Variants in RANBP2 observed in about 807,000 individuals in gnomAD.
RANBP2 encodes E3 SUMO-protein ligase RanBP2.
RANBP2 carries 57 observed loss-of-function variants against 303.6 expected under a neutral mutation model. The ratio of observed to expected loss-of-function variants is 0.19; its 90% CI spans 0.15 to 0.23. The LOEUF is 0.23. Ranked by LOEUF, RANBP2 falls within the 10% of genes least tolerant of loss-of-function variation. RANBP2 has a pLI of 1.00. For synonymous variants in RANBP2, 1,167 were observed against 1,301.5 expected (o/e 0.90, Z 2.23); for missense variants, 3,138 against 3,780.8 (o/e 0.83, Z 4.46).
chr2:108,945,740 C>CT, the RANBP2 span, among the ~76,000 whole-genome samples: 11 of 152,190 alleles, frequency 7.2e-5, no homozygotes, highest in African/African-American at 2.4e-4. Flanking sequence ...AAAGGAAAGA[C>CT]TTTCTGACAC....
At chr2:109,083,613 A>C in the RANBP2 span, among the ~76,000 whole-genome samples, 1 of 151,966 alleles carries the variant, frequency 6.6e-6, no homozygotes, top group Non-Finnish European at 1.5e-5. Context: ...TGCTGTGAAC[A>C]TGGGTGTGCA....
At chr2:109,372,605 G>A in the RANBP2 span, among the ~76,000 whole-genome samples, 1 of 152,234 alleles carries the variant, frequency 6.6e-6, no homozygotes, top group Non-Finnish European at 1.5e-5. Context: ...GGTGCAGAAA[G>A]GTAACGTAGC....
the RANBP2 span, chr2:109,501,466 G>T: frequency 1.3e-5 from 10 of 759,184 alleles, no homozygotes; most frequent in Middle Eastern, 4.5e-4. Context: ...GATGGAGATT[G>T]TCTGTGTGGG....
chr2:109,116,040 C>T, the RANBP2 span, among the ~76,000 whole-genome samples: 1 of 152,190 alleles, frequency 6.6e-6, no homozygotes, highest in Non-Finnish European at 1.5e-5. Flanking sequence ...GTAACCCAAT[C>T]TTTCTCTCTG....
At chr2:109,342,080 G>C in the RANBP2 span, among the ~76,000 whole-genome samples, 1 of 152,208 alleles carries the variant, frequency 6.6e-6, no homozygotes, top group Non-Finnish European at 1.5e-5. Flanking sequence ...CTGGCCACAT[G>C]CTGTGCTATA....
chr2:109,112,347 T>C, the RANBP2 span, among the ~76,000 whole-genome samples: 8 of 151,648 alleles, frequency 5.3e-5, no homozygotes, highest in African/African-American at 1.7e-4. Context: ...AGATGGTATC[T>C]CATTGTGGTT....
At chr2:108,935,203 C>A in the RANBP2 span, among the ~76,000 whole-genome samples, 2 of 152,182 alleles carry the variant, frequency 1.3e-5, no homozygotes, top group African/African-American at 4.8e-5. Context: ...TTGGCCCTTC[C>A]TTCCTCAATT....
the RANBP2 span, among the ~76,000 whole-genome samples, chr2:109,611,004 G>T: frequency 1.3e-5 from 2 of 152,096 alleles, no homozygotes; most frequent in African/African-American, 4.8e-5. Context: ...TGCTAACGGA[G>T]AACCCAGAAA....
At chr2:108,995,769 CT>C in the RANBP2 span, among the ~76,000 whole-genome samples, 1 of 152,206 alleles carries the variant, frequency 6.6e-6, no homozygotes, top group African/African-American at 2.4e-5. Flanking sequence ...TGTTCTGCCC[CT>C]TTCCATGCGT....
the RANBP2 span, among the ~76,000 whole-genome samples, chr2:109,583,807 T>C: frequency 1.3e-5 from 2 of 152,038 alleles, no homozygotes; most frequent in Admixed American, 6.5e-5. Context: ...TACACAGCCA[T>C]AAAAAAGAAC....
the RANBP2 span, chr2:109,615,078 G>A: frequency 6.5e-6 from 10 of 1,549,386 alleles, no homozygotes; most frequent in Admixed American, 9.8e-5. Flanking sequence ...GGGGGCTACC[G>A]CACAGAGGCC....
the RANBP2 span, among the ~76,000 whole-genome samples, chr2:109,193,187 G>T: frequency 7.2e-4 from 109 of 152,302 alleles, no homozygotes; most frequent in African/African-American, 2.5e-3. Flanking sequence ...ACTGGAATCA[G>T]GGCAAATTGT....
At chr2:108,841,501 CTCTA>C in the RANBP2 span, among the ~76,000 whole-genome samples, 2 of 152,076 alleles carry the variant, frequency 1.3e-5, no homozygotes, top group East Asian at 3.9e-4. Flanking sequence ...TAATGTCCTT[CTCTA>C]TCTCTGAACA....
chr2:109,390,648 T>G, the RANBP2 span, among the ~76,000 whole-genome samples: 3 of 152,028 alleles, frequency 2.0e-5, no homozygotes, highest in Non-Finnish European at 4.4e-5. Context: ...GGGGGTGCGG[T>G]CGGCATTTCT....
the RANBP2 span, among the ~76,000 whole-genome samples, chr2:109,511,098 G>A: frequency 5.3e-5 from 8 of 152,186 alleles, no homozygotes; most frequent in Non-Finnish European, 1.2e-4. Context: ...TAACCAACTC[G>A]CCTCAGGAAG....
chr2:108,972,316 A>G, the RANBP2 span, among the ~76,000 whole-genome samples: 1 of 152,248 alleles, frequency 6.6e-6, no homozygotes, highest in Admixed American at 6.5e-5. Flanking sequence ...AGTTCTCGAC[A>G]AGCTTAGGAT....
chr2:109,315,487 G>A, the RANBP2 span, among the ~76,000 whole-genome samples: 1 of 152,372 alleles, frequency 6.6e-6, no homozygotes, highest in Non-Finnish European at 1.5e-5. Context: ...GAGGCAGTAA[G>A]GAACTGTCTC....
the RANBP2 span, among the ~76,000 whole-genome samples, chr2:109,664,344 A>G: frequency 6.6e-6 from 1 of 152,184 alleles, no homozygotes; most frequent in African/African-American, 2.4e-5. Context: ...AGTGACTCAC[A>G]CCTGTAATCC....
At chr2:109,430,135 C>T in the RANBP2 span, among the ~76,000 whole-genome samples, 1 of 152,172 alleles carries the variant, frequency 6.6e-6, no homozygotes, top group Admixed American at 6.5e-5. Flanking sequence ...AAGGCAGCCC[C>T]GGACCCCAGA....
Sources: allele counts gnomAD v4.1 joint callset (sites outside exome capture counted in the v4.1 genomes callset), GRCh38; gene constraint gnomAD v4.1.1; transcripts MANE v1.5; gene names NCBI Gene and HGNC (gene_info 2026-07-23, HGNC 2026-07-21).